Variants in MBD4 observed in about 807,000 individuals in gnomAD.
The protein encoded by MBD4 is methyl-CpG-binding domain protein 4.
A neutral mutation model predicts 60.2 loss-of-function variants in MBD4; 53 were observed. The ratio of observed to expected loss-of-function variants is 0.88; its 90% CI spans 0.71 to 1.11. The LOEUF (loss-of-function observed/expected upper bound fraction) is 1.11. MBD4 is among the 50% of genes least tolerant of loss of function. The pLI, the probability that MBD4 is intolerant of heterozygous loss-of-function variation, is 0.00. For synonymous variants in MBD4, 231 were observed against 229.8 expected (o/e 1.01, Z -0.05); for missense variants, 619 against 674.0 (o/e 0.92, Z 0.90).
rs1375539131 is a variant in MBD4 at position 129,436,656 on chromosome 3, A to G, written c.988T>C (p.Ser330Pro). 6.2e-7 allele frequency: 1 copy of G among 1,614,124 alleles called. No individual in the cohort carries two copies. The highest frequency in any genetic ancestry group is 8.5e-7 in the Non-Finnish European group (1 of 1,180,034). The change falls in exon 3 of 8, where the codon TCT (serine) becomes CCT (proline). Residue 330 changes from serine to proline, a missense_variant. Ser to Pro is a moderately conservative substitution (Grantham distance 74). Coordinates refer to ENST00000429544, the MANE Select transcript of MBD4 (RefSeq NM_001276270.2). ...GAACAAAATTTGTTTATGATGCCAG[A>G]AGTTTTTTGTTCAGAACAAAAATTT... ...GSNFCSEQKT[S>P]GIINKFCSAK...
Position 129,433,764 on chromosome 3 carries a change from A to G in MBD4, c.1393+86T>C. 3 of 1,545,956 alleles carry G rather than the reference A, an allele frequency of 1.9e-6. No homozygotes were observed. The South Asian group carries it at 3.4e-5, about 17-fold the overall frequency. On this transcript the variant is annotated intron_variant, in intron 5 of 7. Coordinates refer to ENST00000429544, the MANE Select transcript of MBD4 (RefSeq NM_001276270.2). ...CCCTATCCCAGGTGACACACTCAAA[A>G]TGGACTTTGAACCCAGGCCTCAATT...
chr3:129,431,616 T>C (rs1442187287), intron 7 of MBD4, 38 bp from the exon 8 acceptor site: 6 of 1,420,160 alleles, frequency 4.2e-6, no homozygotes, highest in Admixed American at 3.3e-5. Context: ...GAGACCTTAA[T>C]GTAACTTAGT....
At chr3:129,439,509 C>T (rs1339781541) in intron 1 of MBD4, among the ~76,000 whole-genome samples, 5 of 152,164 alleles carry the variant, frequency 3.3e-5, no homozygotes. Flanking sequence ...CCCGGCTCCC[C>T]CCCAGTCTCC....
chr3:129,439,502 G>A (rs1460804438), intron 1 of MBD4, among the ~76,000 whole-genome samples: 1 of 151,996 alleles, frequency 6.6e-6, no homozygotes, highest in Non-Finnish European at 1.5e-5. Flanking sequence ...AAAACCTCCC[G>A]GCTCCCCCCC....
Position 129,437,949 on chromosome 3 carries a change from T to A in MBD4, c.106A>T (p.Lys36Ter). The stretch of plus-strand genomic sequence containing the variant: ...TCCAATTCCATAGCAACATCTTCTT[T>A]GCTGGAAAAACAAAGTCTAAGTGAT... ...LVPDPPNDLR[K>*]EDVAMELERV... Residue 36 changes from lysine to a stop codon, truncating the protein, a stop_gained and splice_region_variant, in exon 2 of 8, where the codon AAA becomes TAA. Coordinates refer to ENST00000429544, the MANE Select transcript of MBD4 (RefSeq NM_001276270.2). LOFTEE classifies it high-confidence loss of function. 1 of 1,588,936 alleles carries A rather than the reference T, an allele frequency of 6.3e-7. No individual in the cohort carries two copies.
intron 5 of MBD4, 23 bp from the exon 6 acceptor site, chr3:129,433,270 T>A: frequency 6.2e-7 from 1 of 1,613,538 alleles, no homozygotes. Flanking sequence ...AGTAACTGAA[T>A]GATTACAAGA....
In MBD4 at chr3:129,433,131, C is replaced by T. The variant is rs1457574009; in HGVS notation, c.1510G>A (p.Asp504Asn). 1.9e-6 allele frequency: 3 copies of T among 1,614,060 alleles called. No homozygotes were observed. The highest frequency in any genetic ancestry group is 1.1e-5 in the South Asian group (1 of 91,086). Residue 504 changes from aspartate (D) to asparagine (N), a missense_variant, in exon 6 of 8, where the codon GAT becomes AAT. By Grantham distance (23) the Asp-to-Asn change is conservative. Coordinates refer to ENST00000429544, the MANE Select transcript of MBD4 (RefSeq NM_001276270.2). ...TTGACAATGGTTTTTGCCCGAAGATCGTAGAGACCAAGAGGTTTAAGAAGT... is the reference window on the plus strand; with the variant it reads ...TTGACAATGGTTTTTGCCCGAAGATTGTAGAGACCAAGAGGTTTAAGAAGT... ...SELLKPLGLY[D>N]LRAKTIVKFS... is the part of the protein sequence containing the mutation.
At chr3:129,436,312 G>A (rs890544436) in intron 3 of MBD4, 149 bp downstream of exon 3, 53 of 834,790 alleles carry the variant, frequency 6.3e-5, no homozygotes, top group Non-Finnish European at 9.4e-5. Context: ...AGGATCAACT[G>A]GTATCTCATA....
At chr3:129,439,339 T>G (rs967369012) in intron 1 of MBD4, among the ~76,000 whole-genome samples, 2 of 152,144 alleles carry the variant, frequency 1.3e-5, no homozygotes, top group African/African-American at 4.8e-5. Context: ...TCTCAAAGTC[T>G]CGGTAAAAGA....
rs375088773 is a variant in MBD4 at position 129,439,834 on chromosome 3, C to T, written c.-1G>A. 363 of 1,607,956 alleles carry T rather than the reference C, an allele frequency of 2.3e-4. No individual in the cohort carries two copies. Among genetic ancestry groups the T allele is most frequent in the Non-Finnish European group, 2.9e-4 (341 of 1,176,170 alleles). ...GACTCTCCAGCCCAGTCGTGCCCAT[C>T]GAGCAGGGTCCGGCTGCAGCAACGA... On this transcript the variant is annotated 5_prime_UTR_variant, in exon 1 of 8. Coordinates refer to ENST00000429544, the MANE Select transcript of MBD4 (RefSeq NM_001276270.2).
In MBD4 at chr3:129,431,297, A is replaced by T; in HGVS notation, c.*204T>A. ...TTGGATTGTTGTCAAATAATAATTT[A>T]TTTTAAAAAAATCTCAAAACATGTT... is the stretch of plus-strand genomic sequence containing the variant. On this transcript the variant is annotated 3_prime_UTR_variant, in exon 8 of 8. Transcript: ENST00000429544. 1.9e-6 allele frequency: 1 copy of T among 536,190 alleles called. No individual in the cohort carries two copies. The highest frequency in any genetic ancestry group is 4.8e-4 in the Middle Eastern group (1 of 2,064). The allele number at this position is 536,190 out of a possible 1,614,324, so 33.2% of individuals were successfully genotyped here. A position where few individuals can be genotyped will look rare whatever the true frequency, so the allele number is the denominator to read the frequency against.
At chr3:129,439,199 T>C (rs1237790974) in intron 1 of MBD4, among the ~76,000 whole-genome samples, 1 of 152,154 alleles carries the variant, frequency 6.6e-6, no homozygotes, top group Non-Finnish European at 1.5e-5. Flanking sequence ...ATGGATCTTA[T>C]GAAATGATAT....
chr3:129,436,469 T>A lies in MBD4; in HGVS notation c.1175A>T (p.Asp392Val). Residue 392 changes from aspartate to valine, a missense_variant, in exon 3 of 8, where the codon GAC becomes GTC. By Grantham distance (152) the Asp-to-Val change is radical. Transcript: ENST00000429544. Reference sequence around the variant, plus strand: ...TTGAAATATTTTCTCACCAGTGAAGTCTTTCCTGGTTGGTGAGCAGTTGTT... The same window carrying A: ...TTGAAATATTTTCTCACCAGTGAAGACTTTCCTGGTTGGTGAGCAGTTGTT... Reference protein sequence around the residue: ...MDNNCSPTRKDFTEDTIPRTQ... With the variant: ...MDNNCSPTRKVFTEDTIPRTQ... 1 of 1,614,076 alleles carries A rather than the reference T, an allele frequency of 6.2e-7. No homozygotes were observed. The highest frequency in any genetic ancestry group is 1.1e-5 in the South Asian group (1 of 91,082).
At chr3:129,436,367 TG>T in intron 3 of MBD4, 93 bp downstream of exon 3, 4 of 1,485,862 alleles carry the variant, frequency 2.7e-6, no homozygotes, top group Non-Finnish European at 2.8e-6. Context: ...TAACCATGTA[TG>T]GGCACGAATA....
intron 5 of MBD4, 38 bp downstream of exon 5, chr3:129,433,812 T>A (rs1172394824): frequency 1.2e-6 from 2 of 1,613,596 alleles, no homozygotes; most frequent in Non-Finnish European, 1.7e-6. Flanking sequence ...CCTACCACAC[T>A]GTCTCTACTA....
chr3:129,433,257 A>G lies in MBD4; in HGVS notation c.1394-10T>C, dbSNP rs1399527374. 1.2e-6 allele frequency: 2 copies of G among 1,614,128 alleles called. No homozygotes were observed. Among genetic ancestry groups the G allele is most frequent in the South Asian group, 2.2e-5 (2 of 91,082 alleles). On this transcript the variant is annotated splice_polypyrimidine_tract_variant and intron_variant, in intron 5 of 7. Coordinates refer to ENST00000429544, the MANE Select transcript of MBD4 (RefSeq NM_001276270.2). Reference sequence around the variant, plus strand: ...GGTATTGCCATTTTGCCTGGGAAGTAAAAGTAACTGAATGATTACAAGACT... The same window carrying G: ...GGTATTGCCATTTTGCCTGGGAAGTGAAAGTAACTGAATGATTACAAGACT...
In MBD4 at chr3:129,437,005, A is replaced by G; in HGVS notation, c.639T>C (p.Leu213=). The part of the protein sequence containing the change: ...GLSNFTSTHL[L]LKEDEGVDDV... The stretch of plus-strand genomic sequence containing the variant: ...CATCAACACCCTCATCTTCTTTCAA[A>G]AGCAAATGAGTGGAAGTAAAGTTAG... The change falls in exon 3 of 8, where the codon CTT becomes CTC. Residue 213 remains leucine (L), a synonymous_variant. Transcript: ENST00000429544. The G allele has an allele frequency of 6.2e-7, 1 of 1,614,182 alleles. No individual in the cohort carries two copies. Among genetic ancestry groups the G allele is most frequent in the Non-Finnish European group, 8.5e-7 (1 of 1,180,028 alleles).
chr3:129,439,882 GT>G lies in MBD4; in HGVS notation c.-50del. On this transcript the variant is annotated 5_prime_UTR_variant, in exon 1 of 8. Transcript: ENST00000429544. The stretch of plus-strand genomic sequence containing the variant: ...CGAGCCCAGCGCCGCAACGCCCAGG[GT>G]GTGGGGCGGAGTAAGATGTGAAACC... The G allele has an allele frequency of 7.8e-7, 1 of 1,277,424 alleles. No homozygotes were observed. Among genetic ancestry groups the G allele is most frequent in the Non-Finnish European group, 1.1e-6 (1 of 879,432 alleles). 79.1% of individuals were successfully genotyped at this position (1,277,424 alleles called of 1,614,324 possible).
At chr3:129,431,641 T>C (rs2072346359) in intron 7 of MBD4, 63 bp from the exon 8 acceptor site, 1 of 1,259,934 alleles carries the variant, frequency 7.9e-7, no homozygotes. Flanking sequence ...AATACATTTT[T>C]TAAAATTGGC....
Sources: allele counts gnomAD v4.1 joint callset (sites outside exome capture counted in the v4.1 genomes callset), GRCh38; gene constraint gnomAD v4.1.1; transcripts MANE v1.5; gene names NCBI Gene and HGNC (gene_info 2026-07-23, HGNC 2026-07-21).